Variants in ACOX3 observed in about 807,000 individuals in gnomAD.
The protein encoded by ACOX3 is peroxisomal acyl-coenzyme A oxidase 3.
ACOX3 carries 73 observed loss-of-function variants against 81.5 expected under a neutral mutation model. That is an observed-to-expected ratio of 0.90 (90% CI 0.74 to 1.09). The LOEUF (loss-of-function observed/expected upper bound fraction) is 1.09, where lower values mean the gene tolerates loss of function less well. Ranked by LOEUF, ACOX3 falls within the 50% of genes least tolerant of loss-of-function variation. The probability of loss-of-function intolerance (pLI) is 0.00; values close to 1 mark genes in which losing one functional copy is unlikely to be tolerated. For missense variants in ACOX3, 947 were observed against 928.0 expected (o/e 1.02, Z -0.27); for synonymous variants, 387 against 375.1 (o/e 1.03, Z -0.37).
Position 8,395,516 on chromosome 4 carries a change from C to A in ACOX3, c.1057-774G>T, listed in dbSNP as rs561325000. 6.2e-4 allele frequency among the ~76,000 whole-genome samples: 95 copies of A among 152,224 alleles called. 1 individual carries two copies. The highest frequency in any genetic ancestry group is 1.5e-4 in the Non-Finnish European group (10 of 68,046). On this transcript the variant is annotated intron_variant, in intron 9 of 17. Transcript: ENST00000356406. ...TGTCAAGAGTGCTGAGCAGACATGG[C>A]GCCAGCTGCCTCCATGCCCTAACTT...
chr4:8,373,922 G>A (rs1716590287), intron 15 of ACOX3: 2 of 484,978 alleles, frequency 4.1e-6, no homozygotes, highest in Non-Finnish European at 3.7e-6. Flanking sequence ...CATACCTGCT[G>A]GGGTTCAGGG....
chr4:8,391,819 C>T (rs1293015416), intron 11 of ACOX3, among the ~76,000 whole-genome samples: 3 of 152,242 alleles, frequency 2.0e-5, no homozygotes, highest in Non-Finnish European at 2.9e-5. Context: ...GTGGCCTCCG[C>T]TCTTAACCAT....
intron 1 of ACOX3, among the ~76,000 whole-genome samples, chr4:8,427,246 T>A (rs1313247164): frequency 6.6e-6 from 1 of 152,164 alleles, no homozygotes; most frequent in East Asian, 1.9e-4. Flanking sequence ...GGGACAATGA[T>A]CAGGATATAA....
At chr4:8,410,381 T>C in intron 5 of ACOX3, 26 bp from the exon 6 acceptor site, 1 of 1,610,252 alleles carries the variant, frequency 6.2e-7, no homozygotes, top group Non-Finnish European at 8.5e-7. Context: ...TTTAGGTTAG[T>C]TATAATTAGC....
Position 8,386,547 on chromosome 4 carries a change from CAG to C in ACOX3, c.1537+2624_1537+2625del, listed in dbSNP as rs1718324268. On this transcript the variant is annotated intron_variant, in intron 13 of 17. Coordinates refer to ENST00000356406, the MANE Select transcript of ACOX3 (RefSeq NM_003501.3). The surrounding 1 kb of genome is among the most constrained non-coding windows in gnomAD (Gnocchi z 5.2). ...TACCACTGCACTCCAGCCTGGGCGACAGAGCGAGACTCCGTCTCAAAAAAAAA... is the reference window on the plus strand; with the variant it reads ...TACCACTGCACTCCAGCCTGGGCGACAGCGAGACTCCGTCTCAAAAAAAAA... Among the ~76,000 whole-genome samples, 1 of 139,616 alleles carries C rather than the reference CAG, an allele frequency of 7.2e-6. No individual in the cohort carries two copies. The highest frequency in any genetic ancestry group is 1.5e-5 in the Non-Finnish European group (1 of 66,068). The allele number at this position is 139,616 out of a possible 152,430, so 91.6% of individuals were successfully genotyped here.
chr4:8,433,364 G>A (rs1724057481), intron 1 of ACOX3, among the ~76,000 whole-genome samples: 1 of 152,232 alleles, frequency 6.6e-6, no homozygotes, highest in African/African-American at 2.4e-5. Context: ...ACGTAACCAC[G>A]GAGGCAGAGA....
At chr4:8,415,427 T>TA (rs1722216700) in intron 3 of ACOX3, among the ~76,000 whole-genome samples, 1 of 151,588 alleles carries the variant, frequency 6.6e-6, no homozygotes, top group African/African-American at 2.4e-5. Context: ...ATTTTTTTTT[T>TA]AATCATTTGT....
At chr4:8,392,513 A>G (rs1047569270) in intron 10 of ACOX3, 60 bp from the exon 11 acceptor site, 46 of 1,463,262 alleles carry the variant, frequency 3.1e-5, no homozygotes, top group Admixed American at 1.0e-4. Context: ...CCAAAAAGTC[A>G]TAAGTCAGCA....
rs969709566 is a variant in ACOX3 at position 8,419,021 on chromosome 4, G to A, written c.-14-2486C>T. ...AAAAGATACTAAAATACTAAATGCCGGCTATAGTGGCACGTGCCTGTGGTC... is the reference window on the plus strand; with the variant it reads ...AAAAGATACTAAAATACTAAATGCCAGCTATAGTGGCACGTGCCTGTGGTC... On this transcript the variant is annotated intron_variant, in intron 1 of 17. Coordinates refer to ENST00000356406, the MANE Select transcript of ACOX3 (RefSeq NM_003501.3). This position sits in a 1 kb window ranked among gnomAD's most constrained non-coding sequence, Gnocchi z 4.2. 5.9e-5 allele frequency among the ~76,000 whole-genome samples: 9 copies of A among 151,688 alleles called. No individual in the cohort carries two copies. The highest frequency in any genetic ancestry group is 8.8e-5 in the Non-Finnish European group (6 of 67,980).
rs1723466994 is a variant in ACOX3 at position 8,426,216 on chromosome 4, G to A, written c.-14-9681C>T. Among the ~76,000 whole-genome samples, 5 of 152,004 alleles carry A rather than the reference G, an allele frequency of 3.3e-5. No homozygotes were observed. The South Asian group carries it at 8.3e-4, about 25-fold the overall frequency. On this transcript the variant is annotated intron_variant, in intron 1 of 17. Transcript: ENST00000356406. ...CAGGGAACCTGTACCCGAGAGGAGGGAAAGGAATTCCACCCTGGTAACATG... is the reference window on the plus strand; with the variant it reads ...CAGGGAACCTGTACCCGAGAGGAGGAAAAGGAATTCCACCCTGGTAACATG...
At chr4:8,375,199 G>A (rs374665928) in intron 14 of ACOX3, 47 bp from the exon 15 acceptor site, 10 of 1,478,140 alleles carry the variant, frequency 6.8e-6, no homozygotes, top group African/African-American at 2.8e-5. Context: ...TCCCAGCCCC[G>A]CCCAGATTCC....
rs898229157 is a variant in ACOX3 at position 8,415,816 on chromosome 4, G to C, written c.328C>G (p.Leu110Val). The change falls in exon 3 of 18, where the codon CTG becomes GTG. Residue 110 changes from leucine (L) to valine (V), a missense_variant. Leu to Val is a conservative substitution (Grantham distance 32). Coordinates refer to ENST00000356406, the MANE Select transcript of ACOX3 (RefSeq NM_003501.3). ...PLKVPALIQC[L>V]GMYDSSLAAK... is the part of the protein sequence containing the mutation. ...GCCAGAGAAGAGTCATACATGCCCA[G>C]GCACTGAATCAAGGCGGGGACCTTC... 3.1e-6 allele frequency: 5 copies of C among 1,614,006 alleles called. No individual in the cohort carries two copies. The highest frequency in any genetic ancestry group is 4.2e-6 in the Non-Finnish European group (5 of 1,180,030).
intron 13 of ACOX3, among the ~76,000 whole-genome samples, chr4:8,383,007 G>GA (rs1055528265): frequency 7.1e-6 from 1 of 141,060 alleles, no homozygotes; most frequent in African/African-American, 2.6e-5. Context: ...AAAAAAAAAA[G>GA]AAAAGAAAAT....
chr4:8,369,280 T>C (rs746560), intron 17 of ACOX3, among the ~76,000 whole-genome samples: 4,034 of 152,202 alleles, frequency 0.027, 68 homozygotes, highest in South Asian at 0.077. Flanking sequence ...CCCCACCTCC[T>C]GGGGAGACTG....
the ACOX3 span, among the ~76,000 whole-genome samples, chr4:8,360,892 T>A: frequency 6.6e-6 from 1 of 152,192 alleles, no homozygotes; most frequent in African/African-American, 2.4e-5. Flanking sequence ...TCTGCACTTC[T>A]GCCTGGTGTG....
chr4:8,366,023 G>C (rs549279553), downstream of ACOX3, among the ~76,000 whole-genome samples: 2 of 152,332 alleles, frequency 1.3e-5, no homozygotes, highest in African/African-American at 4.8e-5. Flanking sequence ...TGCTACTGAA[G>C]ACGAAGGCCT....
chr4:8,425,343 A>C (rs1306054834), intron 1 of ACOX3, among the ~76,000 whole-genome samples: 1 of 152,166 alleles, frequency 6.6e-6, no homozygotes, highest in Non-Finnish European at 1.5e-5. Flanking sequence ...CAAAAGAAAT[A>C]GGATGGGGAA....
At position 8,440,687 on chromosome 4, in the gene ACOX3, A is replaced by G; in HGVS notation, c.-54T>C. 1 of 1,151,040 alleles carries G rather than the reference A, an allele frequency of 8.7e-7. No homozygotes were observed. 71.3% of individuals were successfully genotyped at this position (1,151,040 alleles called of 1,614,324 possible). A position where few individuals can be genotyped will look rare whatever the true frequency, so the allele number is the denominator to read the frequency against. On this transcript the variant is annotated 5_prime_UTR_variant, in exon 1 of 18. Transcript: ENST00000356406. The stretch of plus-strand genomic sequence containing the variant: ...GTTCAACCCCTGCCAGGGAAACCAA[A>G]AGCAGGAAAGGATCTCCAGCGGCGC...
Position 8,382,257 on chromosome 4 carries a change from C to G in ACOX3, c.1538-650G>C, listed in dbSNP as rs181008336. Among the ~76,000 whole-genome samples the G allele has an allele frequency of 6.6e-6, 1 of 152,198 alleles. No homozygotes were observed. The highest frequency in any genetic ancestry group is 2.1e-4 in the South Asian group (1 of 4,836). ...GGGTGTCAGGCAGGACAGCTGGAGA[C>G]CCCCCTTCGTCCTCCCCTTCCCCTG... On this transcript the variant is annotated intron_variant, in intron 13 of 17. Coordinates refer to ENST00000356406, the MANE Select transcript of ACOX3 (RefSeq NM_003501.3). This position sits in a 1 kb window ranked among gnomAD's most constrained non-coding sequence, Gnocchi z 4.1.
Sources: allele counts gnomAD v4.1 joint callset (sites outside exome capture counted in the v4.1 genomes callset), GRCh38; gene constraint gnomAD v4.1.1; non-coding constraint Gnocchi (gnomAD v3.1); transcripts MANE v1.5; gene names NCBI Gene and HGNC (gene_info 2026-07-23, HGNC 2026-07-21).